The following RTL9 variants were observed in gnomAD, a reference collection of about 807,000 sequenced individuals.
RTL9 encodes retrotransposon Gag-like protein 9.
Under a neutral mutation model 44.7 loss-of-function variants are expected in RTL9, and 19 were observed. The ratio of observed to expected loss-of-function variants is 0.42; its 90% CI spans 0.30 to 0.62. The LOEUF is 0.62. Ranked by LOEUF, RTL9 falls within the 20% of genes least tolerant of loss-of-function variation. The pLI, the probability that RTL9 is intolerant of heterozygous loss-of-function variation, is 0.16. For synonymous variants in RTL9, 407 were observed against 398.9 expected (o/e 1.02, Z -0.24); for missense variants, 1,105 against 1,080.6 (o/e 1.02, Z -0.32).
At chrX:110,439,241 TA>T (rs2068862004) in intron 1 of RTL9, among the ~76,000 whole-genome samples, 2 of 112,022 alleles carry the variant, frequency 1.8e-5, no homozygotes, top group Non-Finnish European at 3.8e-5. Context: ...AGGAAAGCAG[TA>T]AAAACATCAG....
intron 1 of RTL9, among the ~76,000 whole-genome samples, chrX:110,389,374 C>A (rs1289709899): frequency 8.9e-6 from 1 of 112,091 alleles, no homozygotes; most frequent in Non-Finnish European, 1.9e-5. Context: ...AGGTTGCTTG[C>A]AACAGTGGAA....
At chrX:110,387,074 G>T (rs903492660) in intron 1 of RTL9, among the ~76,000 whole-genome samples, 1 of 111,973 alleles carries the variant, frequency 8.9e-6, no homozygotes, top group Non-Finnish European at 1.9e-5. Flanking sequence ...AAGGAGAAGG[G>T]ATCTAAGCAG....
At position 110,362,144 on chromosome X, in the gene RTL9, T is replaced by A. The variant is rs753478683; in HGVS notation, c.-168+3228T>A. 9.9e-5 allele frequency among the ~76,000 whole-genome samples: 11 copies of A among 111,571 alleles called. No individual in the cohort carries two copies. The South Asian group carries it at 2.6e-3, about 27-fold the overall frequency. On this transcript the variant is annotated intron_variant, in intron 1 of 2. Coordinates refer to the RTL9 transcript ENST00000520821. Reference sequence around the variant, plus strand: ...GATTGGAAAGCTGTGGAATAAAAAATATATATATATAACAGAGCCATTGAT... The same window carrying A: ...GATTGGAAAGCTGTGGAATAAAAAAAATATATATATAACAGAGCCATTGAT...
At chrX:110,407,938 G>A (rs141375238) in intron 1 of RTL9, among the ~76,000 whole-genome samples, 35 of 112,456 alleles carry the variant, frequency 3.1e-4, no homozygotes, top group African/African-American at 1.0e-3. Flanking sequence ...GACTATCAAC[G>A]GCCTGGGTCT....
chrX:110,432,269 C>T (rs1235099904), intron 1 of RTL9, among the ~76,000 whole-genome samples: 1 of 112,449 alleles, frequency 8.9e-6, no homozygotes, highest in African/African-American at 3.2e-5. Flanking sequence ...CTCCTCTCTA[C>T]CCACACTTGC....
upstream of RTL9, among the ~76,000 whole-genome samples, chrX:110,449,831 C>A (rs1385062166): frequency 8.9e-6 from 1 of 111,960 alleles, no homozygotes; most frequent in East Asian, 2.8e-4. Context: ...ATATCTATTG[C>A]CCAGGAGATT....
chrX:110,363,885 A>G (rs2148252748), intron 1 of RTL9, among the ~76,000 whole-genome samples: 1 of 112,140 alleles, frequency 8.9e-6, no homozygotes, highest in African/African-American at 3.2e-5. Context: ...GAATTCTATT[A>G]TTAGTTCCAT....
chrX:110,360,234 T>C (rs1034619295), intron 1 of RTL9, among the ~76,000 whole-genome samples: 8 of 111,625 alleles, frequency 7.2e-5, no homozygotes, highest in African/African-American at 2.6e-4. Flanking sequence ...CCCACAGGGA[T>C]GAAATGAGGG....
At chrX:110,384,756 C>T (rs535921333) in intron 1 of RTL9, among the ~76,000 whole-genome samples, 1 of 110,642 alleles carries the variant, frequency 9.0e-6, no homozygotes, top group Non-Finnish European at 1.9e-5. Flanking sequence ...AGGATTTGCC[C>T]GAACCCCCCA....
intron 1 of RTL9, among the ~76,000 whole-genome samples, chrX:110,435,405 G>T (rs1054906408): frequency 2.7e-5 from 3 of 112,367 alleles, no homozygotes; most frequent in African/African-American, 9.7e-5. Flanking sequence ...CTGCTGCAGA[G>T]CTGGGAGCAC....
intron 1 of RTL9, among the ~76,000 whole-genome samples, chrX:110,388,297 A>G (rs2068471995): frequency 8.9e-6 from 1 of 112,169 alleles, no homozygotes; most frequent in Admixed American, 9.4e-5. Flanking sequence ...GGTATTTGTT[A>G]TTGATTGATA....
At chrX:110,410,414 CT>C (rs1443181056) in intron 1 of RTL9, among the ~76,000 whole-genome samples, 1 of 112,153 alleles carries the variant, frequency 8.9e-6, no homozygotes, top group African/African-American at 3.2e-5. Flanking sequence ...ACAAGAGGAA[CT>C]CGCCAATATC....
At chrX:110,382,901 C>T (rs1477588295) in intron 1 of RTL9, among the ~76,000 whole-genome samples, 2 of 111,971 alleles carry the variant, frequency 1.8e-5, no homozygotes, top group Non-Finnish European at 3.8e-5. Flanking sequence ...CAGTATTGAG[C>T]TTCCTATACT....
At chrX:110,382,558 C>T (rs2068427556) in intron 1 of RTL9, among the ~76,000 whole-genome samples, 1 of 111,604 alleles carries the variant, frequency 9.0e-6, no homozygotes, top group Non-Finnish European at 1.9e-5. Context: ...ATATATCATC[C>T]CAGTCTGACA....
At chrX:110,392,562 C>T (rs1002668046) in intron 1 of RTL9, among the ~76,000 whole-genome samples, 5 of 112,027 alleles carry the variant, frequency 4.5e-5, no homozygotes, top group Admixed American at 9.5e-5. Flanking sequence ...GGATTATAGG[C>T]GTGAGCCACT....
intron 1 of RTL9, among the ~76,000 whole-genome samples, chrX:110,425,980 GCACACACACACACACACAAACGCA>G (rs1298554365): frequency 9.1e-6 from 1 of 109,404 alleles, no homozygotes; most frequent in Non-Finnish European, 1.9e-5. Flanking sequence ...GTGCGTGCGC[GCACACACACACACACACAAACGCA>G]CACACACACA....
At chrX:110,454,562 G>A (rs1197741242) in exon 1 of RTL9, 1 of 1,211,887 alleles carries the variant, frequency 8.3e-7, no homozygotes, top group East Asian at 3.0e-5. Flanking sequence ...CTGAAGAGAA[G>A]GATTCCCCAG....
intron 1 of RTL9, among the ~76,000 whole-genome samples, chrX:110,425,970 G>A (rs974746469): frequency 9.0e-5 from 10 of 110,557 alleles, no homozygotes; most frequent in African/African-American, 3.4e-4. Flanking sequence ...AGTTTAGTGC[G>A]TGCGTGCGCG....
chrX:110,453,890 G>A, exon 1 of RTL9: 1 of 1,212,001 alleles, frequency 8.3e-7, no homozygotes, highest in Non-Finnish European at 1.1e-6. Flanking sequence ...CCTTTGGAGT[G>A]ATGTCCACTC....
Sources: gnomAD v4.1 joint callset for allele counts (sites outside exome capture counted in the v4.1 genomes callset) on GRCh38, gnomAD v4.1.1 for gene constraint, MANE v1.5 for transcripts, NCBI Gene and HGNC (gene_info 2026-07-23, HGNC 2026-07-21) for gene names.